The following IGFN1 variants were observed in gnomAD, a reference collection of about 807,000 sequenced individuals.
IGFN1 encodes the protein immunoglobulin-like and fibronectin type III domain-containing protein 1.
IGFN1 carries 253 observed loss-of-function variants against 289.5 expected under a neutral mutation model. The observed-to-expected ratio is 0.87, with a 90% CI of 0.79 to 0.97. The LOEUF (loss-of-function observed/expected upper bound fraction) is 0.97, where lower values mean the gene tolerates loss of function less well. Among genes scored for constraint, IGFN1 ranks in the 50% least tolerant of loss-of-function variants. The pLI is 0.00. For missense variants in IGFN1, 4,470 were observed against 4,686.1 expected (o/e 0.95, Z 1.35); for synonymous variants, 1,706 against 1,788.5 (o/e 0.95, Z 1.16).
In IGFN1 at chr1:201,228,791, A is replaced by T. The variant is rs970072036; in HGVS notation, c.*392A>T. 2 of 227,276 alleles carry T rather than the reference A, an allele frequency of 8.8e-6. No individual in the cohort carries two copies. Among genetic ancestry groups the T allele is most frequent in the Non-Finnish European group, 8.6e-6 (1 of 115,714 alleles). 14.1% of individuals were successfully genotyped at this position (227,276 alleles called of 1,614,324 possible). A position where few individuals can be genotyped will look rare whatever the true frequency, so the allele number is the denominator to read the frequency against. ...AGCTGGGCCTGCTGTGACCACTGGG[A>T]GGGAAGAGGAGAGGAGGTCAGAGGA... On this transcript the variant is annotated 3_prime_UTR_variant, in exon 24 of 24. Transcript: ENST00000335211.
chr1:201,199,228 C>A, intron 5 of IGFN1, 106 bp from the exon 6 acceptor site: 1 of 951,722 alleles, frequency 1.1e-6, no homozygotes. Flanking sequence ...GTGGGGAGAG[C>A]AGGGCTCTGG....
intron 22 of IGFN1, among the ~76,000 whole-genome samples, chr1:201,226,350 A>G (rs147456276): frequency 1.6e-4 from 25 of 152,256 alleles, no homozygotes; most frequent in African/African-American, 6.0e-4. Context: ...GAAGAATGAG[A>G]TTGGTGTGGG....
chr1:201,196,065 G>C, intron 4 of IGFN1, 87 bp downstream of exon 4: 1 of 1,341,036 alleles, frequency 7.5e-7, no homozygotes, highest in South Asian at 1.4e-5. Context: ...CCAATCCCTA[G>C]AGGAGTAAGA....
chr1:201,206,785 A>G lies in IGFN1; in HGVS notation c.1892A>G (p.Gln631Arg). 3 of 1,536,954 alleles carry G rather than the reference A, an allele frequency of 2.0e-6. No homozygotes were observed. Among genetic ancestry groups the G allele is most frequent in the Non-Finnish European group, 2.6e-6 (3 of 1,146,902 alleles). The stretch of plus-strand genomic sequence containing the variant: ...AGAGGAAAGCAGATAGAGATTTCAC[A>G]GGATGACAGCCTGGCTGAGATGGAC... ...WPRGKQIEIS[Q>R]DDSLAEMDRG... Residue 631 changes from glutamine to arginine, a missense_variant, in exon 12 of 24, where the codon CAG (glutamine) becomes CGG (arginine). Physicochemically the swap from Gln to Arg is conservative, Grantham distance 43 (BLOSUM62 1). Transcript: ENST00000335211.
At chr1:201,201,619 C>T (rs955824567) in intron 8 of IGFN1, 100 bp from the exon 9 acceptor site, 36 of 644,874 alleles carry the variant, frequency 5.6e-5, no homozygotes, top group African/African-American at 3.3e-4. Flanking sequence ...TCATCTGGAA[C>T]GCTGTGGGCC....
rs753975877 is a variant in IGFN1, at chr1:201,199,645, T to C, written c.449T>C (p.Leu150Pro). Residue 150 changes from leucine (L) to proline (P), a missense_variant, in exon 7 of 24, where the codon CTG becomes CCG. Physicochemically the swap from Leu to Pro is moderately conservative, Grantham distance 98 (BLOSUM62 -3). This residue lies in a region of IGFN1 where 2,011 missense variants were observed against 1,953.4 expected (regional missense o/e 1.03). Coordinates refer to ENST00000335211, the MANE Select transcript of IGFN1 (RefSeq NM_001164586.2). ...RKELMDFRKL[L>P]KKRAPPAPKK... ...GAGCTGATGGACTTCCGGAAGTTGC[T>C]GAAAAAGAGGTGGGTTTGGGCCTGT... is the stretch of plus-strand genomic sequence containing the variant. 6.4e-7 allele frequency: 1 copy of C among 1,551,584 alleles called. No individual in the cohort carries two copies. Among genetic ancestry groups the C allele is most frequent in the South Asian group, 1.2e-5 (1 of 84,034 alleles).
At chr1:201,224,380 A>G (rs1341804876) in intron 20 of IGFN1, among the ~76,000 whole-genome samples, 2 of 152,156 alleles carry the variant, frequency 1.3e-5, no homozygotes, top group Non-Finnish European at 2.9e-5. Context: ...TGAGAGGATA[A>G]TGTCCAGATG....
At position 201,207,784 on chromosome 1, in the gene IGFN1, A is replaced by G; in HGVS notation, c.2891A>G (p.Glu964Gly). ...RYEGGLGYSREISSKSGAGYS... is the reference protein window; with the variant it reads ...RYEGGLGYSRGISSKSGAGYS... ...GAGGGTGGCTTAGGATATTCTAGGG[A>G]AATAAGCTCTAAAAGCGGGGCTGGT... The change falls in exon 12 of 24, where the codon GAA becomes GGA. Residue 964 changes from glutamate to glycine, a missense_variant. Glu to Gly is a moderately conservative substitution (Grantham distance 98). Coordinates refer to ENST00000335211, the MANE Select transcript of IGFN1 (RefSeq NM_001164586.2). The G allele has an allele frequency of 6.5e-7, 1 of 1,536,312 alleles. No individual in the cohort carries two copies. The highest frequency in any genetic ancestry group is 8.7e-7 in the Non-Finnish European group (1 of 1,146,544).
chr1:201,195,229 A>G (rs1666849386), intron 3 of IGFN1, among the ~76,000 whole-genome samples: 1 of 151,424 alleles, frequency 6.6e-6, no homozygotes, highest in Non-Finnish European at 1.5e-5. Flanking sequence ...TCTGATCACT[A>G]CAACATCTGC....
Position 201,208,007 on chromosome 1 carries a change from T to C in IGFN1, c.3114T>C (p.Ser1038=). The C allele has an allele frequency of 6.5e-7, 1 of 1,536,606 alleles. No homozygotes were observed. The highest frequency in any genetic ancestry group is 2.4e-5 in the East Asian group (1 of 40,856). Residue 1038 remains serine, a synonymous_variant, in exon 12 of 24, where the codon AGT becomes AGC. Coordinates refer to ENST00000335211, the MANE Select transcript of IGFN1 (RefSeq NM_001164586.2). Reference sequence around the variant, plus strand: ...GAGGAGGGTCTGGGAGAGTTGCCAGTCTTAAAAATGGCTCAGGTGGTCCTG... The same window carrying C: ...GAGGAGGGTCTGGGAGAGTTGCCAGCCTTAAAAATGGCTCAGGTGGTCCTG... ...PAGGGSGRVA[S]LKNGSGGPDG... is the part of the protein sequence containing the mutation.
chr1:201,208,439 T>C lies in IGFN1; in HGVS notation c.3546T>C (p.Tyr1182=). The C allele has an allele frequency of 1.4e-6, 2 of 1,447,266 alleles. No homozygotes were observed. Among genetic ancestry groups the C allele is most frequent in the South Asian group, 1.5e-5 (1 of 67,242 alleles). 89.7% of individuals were successfully genotyped at this position (1,447,266 alleles called of 1,614,324 possible). A position where few individuals can be genotyped will look rare whatever the true frequency, so the allele number is the denominator to read the frequency against. The change falls in exon 12 of 24, where the codon TAT becomes TAC. Residue 1182 remains tyrosine (Y), a synonymous_variant. Coordinates refer to ENST00000335211, the MANE Select transcript of IGFN1 (RefSeq NM_001164586.2). ...AGGCCTCTGGAGCTGGAGCTGGTTA[T>C]AGGGATGATACCAGGCACCCTGAGT... The part of the protein sequence containing the change: ...GAKASGAGAG[Y]RDDTRHPESL...
Position 201,211,898 on chromosome 1 carries a change from G to T in IGFN1, c.7005G>T (p.Gly2335=), listed in dbSNP as rs1387782978. ...GFGGTSGMGS[G]SEVSYRGGSG... ...GGGGAACTAGTGGCATGGGGTCAGG[G>T]AGTGAGGTCAGTTATAGAGGAGGCT... The change falls in exon 12 of 24, where the codon GGG becomes GGT. Residue 2335 remains glycine (G), a synonymous_variant. Coordinates refer to ENST00000335211, the MANE Select transcript of IGFN1 (RefSeq NM_001164586.2). 2 of 1,529,688 alleles carry T rather than the reference G, an allele frequency of 1.3e-6. No homozygotes were observed. The allele number at this position is 1,529,688 out of a possible 1,614,324, so 94.8% of individuals were successfully genotyped here.
chr1:201,199,019 G>A (rs1667033089), intron 5 of IGFN1, among the ~76,000 whole-genome samples: 1 of 152,188 alleles, frequency 6.6e-6, no homozygotes, highest in East Asian at 1.9e-4. Context: ...AGTTTGTTGT[G>A]GTTGCCAGTG....
chr1:201,213,338 C>G lies in IGFN1; in HGVS notation c.8445C>G (p.Leu2815=). 1 of 1,600,684 alleles carries G rather than the reference C, an allele frequency of 6.2e-7. No individual in the cohort carries two copies. The highest frequency in any genetic ancestry group is 2.3e-5 in the East Asian group (1 of 44,296). The change falls in exon 12 of 24, where the codon CTC becomes CTG. Residue 2815 remains leucine, a synonymous_variant. Coordinates refer to ENST00000335211, the MANE Select transcript of IGFN1 (RefSeq NM_001164586.2). ...GGTCAGGCAGGAGGCCTGGCTCACTCAGGAGCAGGTCTCAGGCACAGTCAG... is the reference window on the plus strand; with the variant it reads ...GGTCAGGCAGGAGGCCTGGCTCACTGAGGAGCAGGTCTCAGGCACAGTCAG... ...AGRSGRRPGS[L]RSRSQAQSGA... is the part of the protein sequence containing the mutation.
At position 201,224,813 on chromosome 1, in the gene IGFN1, T is replaced by G. The variant is rs148669991; in HGVS notation, c.10425T>G (p.Thr3475=). ...GACTCTCAGACAGTGGTCTCTACAC[T>G]GTGGTGCTGAGGACCCTGCAGGGGA... The part of the protein sequence containing the change: ...VAGLSDSGLY[T]VVLRTLQGKE... Residue 3475 remains threonine, a synonymous_variant, in exon 21 of 24, where the codon ACT becomes ACG. Transcript: ENST00000335211. 1 of 1,614,140 alleles carries G rather than the reference T, an allele frequency of 6.2e-7. No individual in the cohort carries two copies. Among genetic ancestry groups the G allele is most frequent in the Non-Finnish European group, 8.5e-7 (1 of 1,179,990 alleles).
In IGFN1 at chr1:201,212,901, G is replaced by A; in HGVS notation, c.8008G>A (p.Gly2670Ser). The A allele has an allele frequency of 1.3e-6, 2 of 1,551,452 alleles. No homozygotes were observed. The highest frequency in any genetic ancestry group is 2.4e-5 in the East Asian group (1 of 40,920). The stretch of plus-strand genomic sequence containing the variant: ...TGGTGGGACCCATGAAGGGCCAGGG[G>A]GCTTTAAGGGTGGGGAGGGTGCACC... Reference protein sequence around the residue: ...AFGGTHEGPGGFKGGEGAPGQ... With the variant: ...AFGGTHEGPGSFKGGEGAPGQ... Residue 2670 changes from glycine to serine, a missense_variant, in exon 12 of 24, where the codon GGC becomes AGC. Coordinates refer to ENST00000335211, the MANE Select transcript of IGFN1 (RefSeq NM_001164586.2).
rs770846209 is a variant in IGFN1 at position 201,210,904 on chromosome 1, C to T, written c.6011C>T (p.Ala2004Val). ...DEAGYRKDLG[A>V]PEGIGSGSKA... ...GCAGGTTATAGGAAGGATTTGGGGG[C>T]TCCTGAGGGAATAGGTTCAGGGAGT... is the stretch of plus-strand genomic sequence containing the variant. Residue 2004 changes from alanine (A) to valine (V), a missense_variant, in exon 12 of 24, where the codon GCT becomes GTT. This residue lies in a region of IGFN1 where 108 missense variants were observed against 128.7 expected (regional missense o/e 0.84). Coordinates refer to ENST00000335211, the MANE Select transcript of IGFN1 (RefSeq NM_001164586.2). 27 of 1,518,368 alleles carry T rather than the reference C, an allele frequency of 1.8e-5. No individual in the cohort carries two copies. The highest frequency in any genetic ancestry group is 2.2e-5 in the Non-Finnish European group (25 of 1,139,728). 94.1% of individuals were successfully genotyped at this position (1,518,368 alleles called of 1,614,324 possible).
In IGFN1 at chr1:201,205,238, T is replaced by C. The variant is rs1571446686; in HGVS notation, c.1073T>C (p.Val358Ala). The C allele has an allele frequency of 1.3e-6, 2 of 1,551,094 alleles. No individual in the cohort carries two copies. The highest frequency in any genetic ancestry group is 1.7e-6 in the Non-Finnish European group (2 of 1,146,966). ...CCCAGTGACAAATATGAAGTGTATG[T>C]GTCCCCTGACGGGCTGACCCACCGG... ...LHPSDKYEVY[V>A]SPDGLTHRLV... Residue 358 changes from valine to alanine, a missense_variant, in exon 11 of 24, where the codon GTG becomes GCG. Physicochemically the swap from Val to Ala is moderately conservative, Grantham distance 64. Around this residue, in one of 8 missense-constraint regions of IGFN1, gnomAD observed 2,011 missense variants for 1,953.4 expected, o/e 1.03. Transcript: ENST00000335211.
Position 201,208,158 on chromosome 1 carries a change from G to A in IGFN1, c.3265G>A (p.Gly1089Ser). 1.3e-6 allele frequency: 2 copies of A among 1,537,028 alleles called. No homozygotes were observed. Among genetic ancestry groups the A allele is most frequent in the East Asian group, 4.9e-5 (2 of 40,908 alleles). ...SPGVTGSAGRGGLKAPGVVET... is the reference protein window; with the variant it reads ...SPGVTGSAGRSGLKAPGVVET... ...TGGGGTGACAGGGTCTGCGGGTAGAGGTGGTCTCAAGGCCCCTGGAGTAGT... is the reference window on the plus strand; with the variant it reads ...TGGGGTGACAGGGTCTGCGGGTAGAAGTGGTCTCAAGGCCCCTGGAGTAGT... Residue 1089 changes from glycine (G) to serine (S), a missense_variant, in exon 12 of 24, where the codon GGT (glycine) becomes AGT (serine). Around this residue, in one of 8 missense-constraint regions of IGFN1, gnomAD observed 2,011 missense variants for 1,953.4 expected, o/e 1.03. Transcript: ENST00000335211.
Sources: gnomAD v4.1 joint callset for allele counts (sites outside exome capture counted in the v4.1 genomes callset) on GRCh38, gnomAD v4.1.1 for gene constraint, gnomAD v4.1.1 regional missense constraint, MANE v1.5 for transcripts, NCBI Gene and HGNC (gene_info 2026-07-23, HGNC 2026-07-21) for gene names.